Variants in THOC5 observed in about 807,000 individuals in gnomAD.
The protein encoded by THOC5 is Fms-interacting protein.
In THOC5, 43 loss-of-function variants were observed where a neutral mutation model predicts 92.9. That is an observed-to-expected ratio of 0.46 (90% confidence interval 0.36 to 0.60). The LOEUF (loss-of-function observed/expected upper bound fraction) is 0.60. THOC5 is among the 20% of genes least tolerant of loss of function. The pLI is 0.00. For synonymous variants in THOC5, 296 were observed against 320.1 expected (o/e 0.92, Z 0.80); for missense variants, 659 against 849.4 (o/e 0.78, Z 2.79).
At chr22:29,552,622 G>T (rs1438033646) in intron 1 of THOC5, among the ~76,000 whole-genome samples, 1 of 150,056 alleles carries the variant, frequency 6.7e-6, no homozygotes, top group Non-Finnish European at 1.5e-5. Context: ...GTCGGGGGTA[G>T]GGGGGCGCCT....
At chr22:29,530,038 G>A (rs2063621249) in intron 8 of THOC5, among the ~76,000 whole-genome samples, 1 of 151,992 alleles carries the variant, frequency 6.6e-6, no homozygotes, top group Non-Finnish European at 1.5e-5. Flanking sequence ...ATCTACTTGG[G>A]AGGCTGAGAC....
intron 9 of THOC5, chr22:29,528,890 A>T (rs1443677484): frequency 1.9e-6 from 1 of 532,438 alleles, no homozygotes; most frequent in African/African-American, 1.9e-5. Flanking sequence ...AGGTGTTACT[A>T]TCTGTTTTCA....
intron 2 of THOC5, 135 bp from the exon 3 acceptor site, chr22:29,544,738 G>C: frequency 1.1e-6 from 1 of 886,454 alleles, no homozygotes; most frequent in Non-Finnish European, 1.6e-6. Flanking sequence ...TAAAAGATCT[G>C]GTCCTTAAAT....
chr22:29,537,957 T>C (rs2063794171), intron 6 of THOC5, among the ~76,000 whole-genome samples: 1 of 152,242 alleles, frequency 6.6e-6, no homozygotes, highest in Non-Finnish European at 1.5e-5. Flanking sequence ...GAAAAGTTTA[T>C]ACCTAAAGTG....
intron 2 of THOC5, chr22:29,545,095 G>A: frequency 2.3e-6 from 1 of 433,098 alleles, no homozygotes; most frequent in Non-Finnish European, 4.6e-6. Flanking sequence ...CAGAATCATG[G>A]CGAGAGGTGA....
In THOC5 at chr22:29,506,837, C is replaced by T. The variant is rs1470354380; in HGVS notation, c.*1620G>A. On this transcript the variant is annotated 3_prime_UTR_variant, in exon 20 of 20. Transcript: ENST00000490103. ...GTTGATCTCTGAACAATAGTTTGGA[C>T]TCTGTGGGTCTATTATATGCAGATT... 1 of 151,972 alleles carries T rather than the reference C, an allele frequency of 6.6e-6. No homozygotes were observed. Among genetic ancestry groups the T allele is most frequent in the Non-Finnish European group, 1.5e-5 (1 of 68,044 alleles). 9.4% of individuals were successfully genotyped at this position (151,972 alleles called of 1,614,324 possible).
At chr22:29,512,990 A>T (rs551733737) in intron 17 of THOC5, among the ~76,000 whole-genome samples, 1 of 152,326 alleles carries the variant, frequency 6.6e-6, no homozygotes, top group Admixed American at 6.5e-5. Flanking sequence ...CTCTCTGACC[A>T]CTAGTTATTC....
chr22:29,513,273 CT>C (rs2063261283), intron 17 of THOC5, among the ~76,000 whole-genome samples: 1 of 151,534 alleles, frequency 6.6e-6, no homozygotes, highest in South Asian at 2.1e-4. Flanking sequence ...AGGAGAATCG[CT>C]TGAATCCAGG....
chr22:29,545,359 G>C (rs2146557252), intron 2 of THOC5, among the ~76,000 whole-genome samples: 1 of 152,204 alleles, frequency 6.6e-6, no homozygotes, highest in South Asian at 2.1e-4. Flanking sequence ...CGAATCTCAT[G>C]TCCTCACATT....
chr22:29,543,590 A>C, intron 3 of THOC5, 48 bp from the exon 4 acceptor site: 5 of 1,451,820 alleles, frequency 3.4e-6, no homozygotes, highest in Non-Finnish European at 4.8e-6. Flanking sequence ...GGGCTAGCTC[A>C]GCTTCCTTCA....
intron 3 of THOC5, among the ~76,000 whole-genome samples, chr22:29,544,022 TTATC>T (rs2146551621): frequency 6.6e-6 from 1 of 151,238 alleles, no homozygotes; most frequent in South Asian, 2.1e-4. Context: ...TTTAAAAAAC[TTATC>T]TATCGAGTTT....
intron 17 of THOC5, among the ~76,000 whole-genome samples, chr22:29,514,392 C>G (rs2063291727): frequency 1.3e-5 from 2 of 150,234 alleles, no homozygotes; most frequent in South Asian, 4.2e-4. Context: ...TCTCAGCTCA[C>G]TGCAAGCTCC....
At chr22:29,546,612 G>T (rs551104646) in intron 2 of THOC5, among the ~76,000 whole-genome samples, 16 of 151,598 alleles carry the variant, frequency 1.1e-4, no homozygotes, top group African/African-American at 3.9e-4. Flanking sequence ...GCTAATTTCT[G>T]TATTTTTAGT....
At position 29,544,548 on chromosome 22, in the gene THOC5, T is replaced by C; in HGVS notation, c.152A>G (p.Asp51Gly). ...AEVDLRDPGR[D>G]YELYKYTCQE... ...GCAGGTGTACTTGTATAACTCATAGTCTCTGCCAGGGTCCCGCAGATCCAC... is the reference window on the plus strand; with the variant it reads ...GCAGGTGTACTTGTATAACTCATAGCCTCTGCCAGGGTCCCGCAGATCCAC... Residue 51 changes from aspartate to glycine, a missense_variant, in exon 3 of 20, where the codon GAC (aspartate) becomes GGC (glycine). Asp to Gly is a moderately conservative substitution (Grantham distance 94). Coordinates refer to ENST00000490103, the MANE Select transcript of THOC5 (RefSeq NM_003678.5). 3.7e-6 allele frequency: 6 copies of C among 1,613,962 alleles called. No individual in the cohort carries two copies. The African/African-American group carries it at 8.0e-5, about 22-fold the overall frequency.
At chr22:29,536,872 C>A (rs2063771077) in intron 6 of THOC5, 134 bp from the exon 7 acceptor site, 3 of 642,958 alleles carry the variant, frequency 4.7e-6, no homozygotes, top group Non-Finnish European at 8.5e-6. Flanking sequence ...TCAATGTGTG[C>A]CAGGTACTTT....
intron 12 of THOC5, among the ~76,000 whole-genome samples, chr22:29,525,052 T>A (rs1402210448): frequency 6.6e-6 from 1 of 151,394 alleles, no homozygotes; most frequent in Non-Finnish European, 1.5e-5. Context: ...ACGGGAGGAG[T>A]GCTTGAGGCC....
At chr22:29,552,969 T>A (rs1336198465) in intron 1 of THOC5, among the ~76,000 whole-genome samples, 1 of 152,204 alleles carries the variant, frequency 6.6e-6, no homozygotes, top group Admixed American at 6.5e-5. Flanking sequence ...AAACATGTGC[T>A]GTGTCCACTC....
chr22:29,536,636 G>T lies in THOC5; in HGVS notation c.702C>A (p.Asn234Lys). The T allele has an allele frequency of 6.2e-7, 1 of 1,607,800 alleles. No individual in the cohort carries two copies. Among genetic ancestry groups the T allele is most frequent in the Non-Finnish European group, 8.5e-7 (1 of 1,174,196 alleles). Reference sequence around the variant, plus strand: ...CAGAGGGCCCCACCTGCATGATGCTGTTGAGGCGGGGCTGGAGGCTGCTCA... The same window carrying T: ...CAGAGGGCCCCACCTGCATGATGCTTTTGAGGCGGGGCTGGAGGCTGCTCA... The part of the protein sequence containing the change: ...EYLSSLQPRL[N>K]SIMQASLPVQ... The change falls in exon 7 of 20, where the codon AAC (asparagine) becomes AAA (lysine). Residue 234 changes from asparagine (N) to lysine (K), a missense_variant. Asn to Lys is a moderately conservative substitution (Grantham distance 94). Transcript: ENST00000490103.
At chr22:29,531,670 A>C in intron 8 of THOC5, 161 bp downstream of exon 8, 1 of 1,430,544 alleles carries the variant, frequency 7.0e-7, no homozygotes, top group Non-Finnish European at 9.1e-7. Flanking sequence ...AGCTGGTCAG[A>C]GCAGCCATGC....
Sources: allele counts gnomAD v4.1 joint callset (sites outside exome capture counted in the v4.1 genomes callset), GRCh38; gene constraint gnomAD v4.1.1; transcripts MANE v1.5; gene names NCBI Gene and HGNC (gene_info 2026-07-23, HGNC 2026-07-21).